ARHGAP19: variants seen among roughly 807,000 people sequenced by gnomAD.
The protein encoded by ARHGAP19 is rho GTPase-activating protein 19.
A neutral mutation model predicts 60.9 loss-of-function variants in ARHGAP19; 48 were observed. The ratio of observed to expected loss-of-function variants is 0.79; its 90% CI spans 0.62 to 1.00. The LOEUF is 1.00. ARHGAP19 is among the 50% of genes least tolerant of loss of function. ARHGAP19 has a pLI of 0.00. For synonymous variants in ARHGAP19, 209 were observed against 215.5 expected, an observed-to-expected ratio of 0.97 and a Z score of 0.27; for missense variants, 562 against 597.2, an observed-to-expected ratio of 0.94 and a Z score of 0.61.
At chr10:97,246,652 A>G (rs1842567721) in intron 6 of ARHGAP19, among the ~76,000 whole-genome samples, 2 of 152,220 alleles carry the variant, frequency 1.3e-5, no homozygotes, top group African/African-American at 4.8e-5. Context: ...TTTCTATCTA[A>G]CAAAAACCAC....
At chr10:97,281,495 G>A (rs1213704774) in intron 1 of ARHGAP19, among the ~76,000 whole-genome samples, 3 of 152,170 alleles carry the variant, frequency 2.0e-5, no homozygotes, top group African/African-American at 7.2e-5. Flanking sequence ...ACCAACATAA[G>A]AAGGTGAATT....
chr10:97,280,212 C>G (rs150208700), intron 1 of ARHGAP19, among the ~76,000 whole-genome samples: 6,691 of 151,940 alleles, frequency 0.044, 213 homozygotes, highest in Non-Finnish European at 0.061. Flanking sequence ...TTCAAGACCA[C>G]CCTAGCCAAC....
intron 9 of ARHGAP19, among the ~76,000 whole-genome samples, chr10:97,230,246 G>A (rs1003142499): frequency 1.3e-5 from 2 of 152,086 alleles, no homozygotes; most frequent in Non-Finnish European, 1.5e-5. Context: ...AAGATGTGCT[G>A]TCTCTGGCAA....
At chr10:97,228,350 C>A (rs919440282) in intron 11 of ARHGAP19, among the ~76,000 whole-genome samples, 2 of 152,212 alleles carry the variant, frequency 1.3e-5, no homozygotes, top group Non-Finnish European at 2.9e-5. Flanking sequence ...CCGTTTTCTA[C>A]AGTAACAACT....
chr10:97,239,551 GGTGTGT>G (rs201308961), intron 8 of ARHGAP19, among the ~76,000 whole-genome samples: 1,210 of 20,174 alleles, frequency 0.06, 30 homozygotes, highest in African/African-American at 0.07. Context: ...AGAGAGAGAG[GGTGTGT>G]GTGTGTGTGT....
chr10:97,262,773 A>AAC (rs1256849953), intron 4 of ARHGAP19, among the ~76,000 whole-genome samples: 2 of 152,054 alleles, frequency 1.3e-5, no homozygotes, highest in Non-Finnish European at 2.9e-5. Context: ...CGAACCTATA[A>AAC]ACATCTGAAA....
At position 97,282,845 on chromosome 10, in the gene ARHGAP19, T is replaced by C. The variant is rs574700952; in HGVS notation, c.56+9727A>G. ...ACTATGTAGTTTCTTTTTTCTTTTT[T>C]TTTTTTTTTTTTTTGAGACAGAGTC... On this transcript the variant is annotated intron_variant, in intron 1 of 11. Coordinates refer to ENST00000358531, the MANE Select transcript of ARHGAP19 (RefSeq NM_032900.6). 4.3e-3 allele frequency among the ~76,000 whole-genome samples: 604 copies of C among 141,316 alleles called. 7 individuals are homozygous for C. Among genetic ancestry groups the C allele is most frequent in the African/African-American group, 0.015 (559 of 36,578 alleles). 92.7% of individuals were successfully genotyped at this position (141,316 alleles called of 152,430 possible).
At chr10:97,235,457 T>A in intron 8 of ARHGAP19, 142 bp from the exon 9 acceptor site, 1 of 650,234 alleles carries the variant, frequency 1.5e-6, no homozygotes, top group East Asian at 3.1e-5. Flanking sequence ...AAAAAGCCAA[T>A]CACAAAGTCA....
At chr10:97,284,927 G>C (rs537105614) in intron 1 of ARHGAP19, among the ~76,000 whole-genome samples, 1 of 143,408 alleles carries the variant, frequency 7.0e-6, no homozygotes, top group Non-Finnish European at 1.5e-5. Context: ...GCAATGGTGT[G>C]ATCTTAGCTC....
rs2134865697 is a variant in ARHGAP19 at position 97,253,335 on chromosome 10, A to G, written c.927+2983T>C. Among the ~76,000 whole-genome samples the G allele has an allele frequency of 1.3e-5, 2 of 151,546 alleles. 1 individual carries two copies. On this transcript the variant is annotated intron_variant, in intron 6 of 11. Coordinates refer to ENST00000358531, the MANE Select transcript of ARHGAP19 (RefSeq NM_032900.6). ...GGAGGCTGCAGTGAGCTGAGATTGC[A>G]TCACTGCACTTCAGCACAGGTAACC... is the stretch of plus-strand genomic sequence containing the variant.
intron 8 of ARHGAP19, among the ~76,000 whole-genome samples, chr10:97,242,324 CTTTTTTT>C (rs1164708198): frequency 1.8e-5 from 1 of 55,796 alleles, no homozygotes; most frequent in African/African-American, 7.4e-5. Context: ...TATCAGTGTT[CTTTTTTT>C]TTTTTTTTTT....
intron 1 of ARHGAP19, among the ~76,000 whole-genome samples, chr10:97,279,111 T>C (rs1418145422): frequency 1.3e-5 from 2 of 152,194 alleles, no homozygotes; most frequent in Non-Finnish European, 2.9e-5. Context: ...GAAATACAAC[T>C]ATCAAAGAAA....
In ARHGAP19 at chr10:97,225,021, T is replaced by C. The variant is rs701818; in HGVS notation, c.*1101A>G. The C allele has an allele frequency of 0.94, 143,553 of 152,570 alleles. 68,144 individuals are homozygous for C. The highest frequency in any genetic ancestry group is 1 in the East Asian group (5,206 of 5,206). The allele number at this position is 152,570 out of a possible 1,614,324, so 9.5% of individuals were successfully genotyped here. On this transcript the variant is annotated 3_prime_UTR_variant, in exon 12 of 12. Transcript: ENST00000358531. ...TTAAATCCTGTCAGCCCTGCAGAGG[T>C]TGCTGCTTGCTTCTTCTTTCTGATC...
rs1842800329 is a variant in ARHGAP19, at chr10:97,259,535, G to A, written c.707C>T (p.Pro236Leu). ...CTTCAGCAAATTACGATTAGGAGGA[G>A]GGAGAATGAGGAAGAGCAACTGGAG... ...EALQLLFLIL[P>L]PPNRNLLKLL... Residue 236 changes from proline to leucine, a missense_variant, in exon 5 of 12, where the codon CCT (proline) becomes CTT (leucine). Physicochemically the swap from Pro to Leu is moderately conservative, Grantham distance 98 (BLOSUM62 -3). Transcript: ENST00000358531. 6.2e-7 allele frequency: 1 copy of A among 1,614,036 alleles called. No individual in the cohort carries two copies. Among genetic ancestry groups the A allele is most frequent in the Non-Finnish European group, 8.5e-7 (1 of 1,180,026 alleles).
intron 5 of ARHGAP19, chr10:97,258,572 G>A (rs904324417): frequency 6.5e-6 from 1 of 152,810 alleles, no homozygotes; most frequent in African/African-American, 2.4e-5. Flanking sequence ...CATCGCTGGT[G>A]TGTGGCTTCC....
intron 6 of ARHGAP19, among the ~76,000 whole-genome samples, chr10:97,249,282 T>A (rs558390106): frequency 8.5e-5 from 13 of 152,326 alleles, no homozygotes; most frequent in Non-Finnish European, 7.3e-5. Context: ...GGTTATTTAC[T>A]AACCGCAAAG....
intron 1 of ARHGAP19, among the ~76,000 whole-genome samples, chr10:97,289,660 C>T (rs118162612): frequency 0.041 from 6,210 of 151,766 alleles, 205 homozygotes; most frequent in Non-Finnish European, 0.061. Flanking sequence ...CATGGCAAGA[C>T]CCCGGTTTCT....
At chr10:97,283,220 T>C (rs1276594825) in intron 1 of ARHGAP19, among the ~76,000 whole-genome samples, 2 of 152,050 alleles carry the variant, frequency 1.3e-5, no homozygotes, top group Non-Finnish European at 2.9e-5. Context: ...ACAAAATAAA[T>C]AGGCTCCAGC....
chr10:97,241,639 G>A (rs1842483564), intron 8 of ARHGAP19, among the ~76,000 whole-genome samples: 2 of 149,652 alleles, frequency 1.3e-5, no homozygotes, highest in Admixed American at 1.3e-4. Flanking sequence ...CTTGAACCCA[G>A]GAGGCAGAGG....
Sources: gnomAD v4.1 joint callset for allele counts (sites outside exome capture counted in the v4.1 genomes callset) on GRCh38, gnomAD v4.1.1 for gene constraint, MANE v1.5 for transcripts, NCBI Gene and HGNC (gene_info 2026-07-23, HGNC 2026-07-21) for gene names.